PLXNC1: variants seen among roughly 807,000 people sequenced by gnomAD.
PLXNC1 encodes plexin-C1.
Under a neutral mutation model 178.2 loss-of-function variants are expected in PLXNC1, and 75 were observed. That is an observed-to-expected ratio of 0.42 (90% CI 0.35 to 0.51). PLXNC1 has a LOEUF of 0.51. Among genes scored for constraint, PLXNC1 ranks in the 20% least tolerant of loss-of-function variants. PLXNC1 has a pLI of 0.02. For synonymous variants in PLXNC1, 790 were observed against 779.9 expected, an observed-to-expected ratio of 1.01 and a Z score of -0.22; for missense variants, 1,503 against 1,984.4, an observed-to-expected ratio of 0.76 and a Z score of 4.61.
intron 23 of PLXNC1, among the ~76,000 whole-genome samples, chr12:94,287,089 T>C (rs1966853017): frequency 1.3e-5 from 2 of 152,208 alleles, no homozygotes; most frequent in Non-Finnish European, 2.9e-5. Context: ...GTTCAATTAA[T>C]GTCCACAAAA....
At position 94,149,313 on chromosome 12, in the gene PLXNC1, G is replaced by A; in HGVS notation, c.342G>A (p.Glu114=). Residue 114 remains glutamate (E), a synonymous_variant, in exon 1 of 31, where the codon GAG becomes GAA. Transcript: ENST00000258526. ...GCAAGCTGCTGCTGCCCTACCGCGAGGGGGCGGCCGGCCTCGGGGGGCTGC... is the reference window on the plus strand; with the variant it reads ...GCAAGCTGCTGCTGCCCTACCGCGAAGGGGCGGCCGGCCTCGGGGGGCTGC... ...SFSKLLLPYR[E]GAAGLGGLLL... 1 of 1,455,630 alleles carries A rather than the reference G, an allele frequency of 6.9e-7. No individual in the cohort carries two copies. Among genetic ancestry groups the A allele is most frequent in the African/African-American group, 1.5e-5 (1 of 68,082 alleles). The allele number at this position is 1,455,630 out of a possible 1,614,324, so 90.2% of individuals were successfully genotyped here.
At chr12:94,182,793 TATTA>T (rs770866796) in intron 3 of PLXNC1, among the ~76,000 whole-genome samples, 7 of 152,120 alleles carry the variant, frequency 4.6e-5, no homozygotes, top group Non-Finnish European at 1.0e-4. Context: ...ATAAATGTGT[TATTA>T]ATTTATTTTA....
intron 12 of PLXNC1, among the ~76,000 whole-genome samples, chr12:94,245,834 C>T (rs1964514899): frequency 6.6e-6 from 1 of 152,070 alleles, no homozygotes; most frequent in Non-Finnish European, 1.5e-5. Flanking sequence ...GAGCTGGGGC[C>T]ACAAAAAGCA....
At chr12:94,230,118 T>C (rs940655483) in intron 9 of PLXNC1, among the ~76,000 whole-genome samples, 1 of 152,222 alleles carries the variant, frequency 6.6e-6, no homozygotes, top group African/African-American at 2.4e-5. Flanking sequence ...TCTCCATCTC[T>C]GATGCCTGGC....
intron 4 of PLXNC1, among the ~76,000 whole-genome samples, chr12:94,190,601 T>C (rs1047631899): frequency 2.0e-5 from 3 of 152,162 alleles, no homozygotes; most frequent in African/African-American, 7.2e-5. Flanking sequence ...AGAAGAGTGA[T>C]TCATTTAAAA....
At chr12:94,164,475 T>C (rs1351427633) in intron 1 of PLXNC1, among the ~76,000 whole-genome samples, 1 of 152,028 alleles carries the variant, frequency 6.6e-6, no homozygotes, top group African/African-American at 2.4e-5. Flanking sequence ...ATCTTTCACA[T>C]GGTAGGGGCA....
intron 11 of PLXNC1, among the ~76,000 whole-genome samples, chr12:94,242,841 T>TG (rs1241885960): frequency 2.6e-5 from 4 of 152,168 alleles, no homozygotes; most frequent in African/African-American, 9.7e-5. Flanking sequence ...ATGAGGGAAC[T>TG]GGGGGAGGAA....
Position 94,260,979 on chromosome 12 carries a change from C to T in PLXNC1, c.3450+139C>T, listed in dbSNP as rs1216507437. 4 of 729,522 alleles carry T rather than the reference C, an allele frequency of 5.5e-6. No individual in the cohort carries two copies. The highest frequency in any genetic ancestry group is 9.4e-6 in the Non-Finnish European group (4 of 425,924). 45.2% of individuals were successfully genotyped at this position (729,522 alleles called of 1,614,324 possible). On this transcript the variant is annotated intron_variant, in intron 20 of 30. Transcript: ENST00000258526. The surrounding 1 kb of genome is among the most constrained non-coding windows in gnomAD (Gnocchi z 4.4). ...AACCATGTTTCGTCTTGGTCCTGACCCAGAACAGAGAGAGGGAAAGTAAAC... is the reference window on the plus strand; with the variant it reads ...AACCATGTTTCGTCTTGGTCCTGACTCAGAACAGAGAGAGGGAAAGTAAAC...
intron 12 of PLXNC1, among the ~76,000 whole-genome samples, chr12:94,246,187 G>A (rs1043881684): frequency 1.1e-4 from 16 of 152,292 alleles, no homozygotes; most frequent in South Asian, 2.1e-4. Context: ...CCTGCAGGGC[G>A]GTTATTATTT....
At chr12:94,161,194 AACC>A (rs1420701500) in intron 1 of PLXNC1, among the ~76,000 whole-genome samples, 1 of 152,256 alleles carries the variant, frequency 6.6e-6, no homozygotes, top group Non-Finnish European at 1.5e-5. Context: ...GTGTTTCAGA[AACC>A]AATGACATGA....
At chr12:94,207,923 A>G (rs1963347748) in intron 4 of PLXNC1, among the ~76,000 whole-genome samples, 1 of 147,868 alleles carries the variant, frequency 6.8e-6, no homozygotes. Context: ...GAATTGGCTT[A>G]TTTTTTTTTT....
chr12:94,291,074 T>G (rs1565866201), intron 23 of PLXNC1, among the ~76,000 whole-genome samples: 1 of 152,116 alleles, frequency 6.6e-6, no homozygotes, highest in Non-Finnish European at 1.5e-5. Context: ...CCCATCAGGG[T>G]GTGGGGGAGG....
At chr12:94,158,575 C>T (rs1450962322) in intron 1 of PLXNC1, among the ~76,000 whole-genome samples, 4 of 152,168 alleles carry the variant, frequency 2.6e-5, no homozygotes, top group African/African-American at 9.7e-5. Flanking sequence ...ACGGGTGGAT[C>T]ACTTGAGCCC....
At chr12:94,290,941 C>A (rs769587635) in intron 23 of PLXNC1, among the ~76,000 whole-genome samples, 1 of 152,102 alleles carries the variant, frequency 6.6e-6, no homozygotes, top group Non-Finnish European at 1.5e-5. Context: ...TCTTGCCACC[C>A]GTTTGTCTTG....
In PLXNC1 at chr12:94,276,212, G is replaced by A. The variant is rs565810513; in HGVS notation, c.3598-3260G>A. Among the ~76,000 whole-genome samples, 17 of 152,250 alleles carry A rather than the reference G, an allele frequency of 1.1e-4. No homozygotes were observed. In the East Asian group the frequency reaches 2.1e-3, roughly 19 times the overall value. ...AACAAGCTGAGATTGCTGAAGCTCC[G>A]ATTAAAAGGTGCCTCCCATTCATCT... On this transcript the variant is annotated intron_variant, in intron 21 of 30. Coordinates refer to ENST00000258526, the MANE Select transcript of PLXNC1 (RefSeq NM_005761.3).
chr12:94,168,374 A>G (rs184181917), intron 1 of PLXNC1: 92 of 152,364 alleles, frequency 6.0e-4, no homozygotes, highest in African/African-American at 2.2e-3. Context: ...AAAGAAAAAG[A>G]CATTTTGGTC....
chr12:94,152,663 T>G (rs573580127), intron 1 of PLXNC1, among the ~76,000 whole-genome samples: 15 of 152,326 alleles, frequency 9.8e-5, no homozygotes, highest in African/African-American at 3.6e-4. Context: ...ACACAGTAAT[T>G]TTAACAGTAA....
At chr12:94,179,127 C>G (rs916168523) in intron 2 of PLXNC1, among the ~76,000 whole-genome samples, 2 of 152,214 alleles carry the variant, frequency 1.3e-5, no homozygotes, top group African/African-American at 4.8e-5. Context: ...CGGGAAGTTG[C>G]TCTGTGCAAA....
At chr12:94,223,902 A>G (rs1963865385) in intron 6 of PLXNC1, among the ~76,000 whole-genome samples, 1 of 152,138 alleles carries the variant, frequency 6.6e-6, no homozygotes, top group South Asian at 2.1e-4. Context: ...TGCCTTGGCC[A>G]ATTAAAAGCT....
Sources: allele counts gnomAD v4.1 joint callset (sites outside exome capture counted in the v4.1 genomes callset), GRCh38; gene constraint gnomAD v4.1.1; non-coding constraint Gnocchi (gnomAD v3.1); transcripts MANE v1.5; gene names NCBI Gene and HGNC (gene_info 2026-07-23, HGNC 2026-07-21).